DPH6: variants seen among roughly 807,000 people sequenced by gnomAD.
DPH6 encodes diphthamine biosynthesis 6.
A neutral mutation model predicts 38.2 loss-of-function variants in DPH6; 33 were observed. The ratio of observed to expected loss-of-function variants is 0.86; its 90% CI spans 0.65 to 1.15. DPH6 has a LOEUF of 1.15. Among genes scored for constraint, DPH6 ranks in the 50% most tolerant of loss-of-function variants. The probability of loss-of-function intolerance (pLI) is 0.00; values close to 1 mark genes in which losing one functional copy is unlikely to be tolerated. For synonymous variants in DPH6, 108 were observed against 103.0 expected (o/e 1.05, Z -0.30); for missense variants, 325 against 320.0 (o/e 1.02, Z -0.12).
the DPH6 span, among the ~76,000 whole-genome samples, chr15:35,187,940 C>A: frequency 1.3e-4 from 20 of 152,148 alleles, no homozygotes; most frequent in African/African-American, 4.8e-4. Context: ...TCCAGGAGTT[C>A]AAGACCAGCC....
At position 35,500,767 on chromosome 15, in the gene DPH6, TTTGTTG is replaced by T. The variant is rs768374774; in HGVS notation, c.312+37501_312+37506del. On this transcript the variant is annotated intron_variant, in intron 3 of 8. Transcript: ENST00000256538. Reference sequence around the variant, plus strand: ...TCCCTTTTTGTGATAATTATTCTGTTTTGTTGTTGTTGTTGTTGTTTTTGAGATAGA... The same window carrying T: ...TCCCTTTTTGTGATAATTATTCTGTTTTGTTGTTGTTGTTTTTGAGATAGA... 4.6e-5 allele frequency among the ~76,000 whole-genome samples: 7 copies of T among 151,998 alleles called. No individual in the cohort carries two copies. The East Asian group carries it at 1.2e-3, about 25-fold the overall frequency.
intron 3 of DPH6, among the ~76,000 whole-genome samples, chr15:35,504,047 ATAACT>A (rs1279097600): frequency 6.6e-6 from 1 of 152,058 alleles, no homozygotes; most frequent in Non-Finnish European, 1.5e-5. Flanking sequence ...CTATTCTGAG[ATAACT>A]TAATTTCAAG....
intron 3 of DPH6, among the ~76,000 whole-genome samples, chr15:35,534,428 A>G (rs1173764190): frequency 1.3e-5 from 2 of 151,952 alleles, no homozygotes; most frequent in Non-Finnish European, 2.9e-5. Context: ...AGGAAACGAA[A>G]GACAATGTTT....
intron 3 of DPH6, among the ~76,000 whole-genome samples, chr15:35,261,009 G>C (rs1445863084): frequency 1.3e-5 from 2 of 152,020 alleles, no homozygotes; most frequent in African/African-American, 4.8e-5. Context: ...TTCATGTCTT[G>C]ACTATTGATT....
chr15:35,457,373 T>C (rs1459459806), intron 3 of DPH6, among the ~76,000 whole-genome samples: 2 of 152,170 alleles, frequency 1.3e-5, no homozygotes, highest in Non-Finnish European at 2.9e-5. Flanking sequence ...AATAATTTTT[T>C]TTTGAGGCCT....
chr15:35,505,620 C>CT lies in DPH6; in HGVS notation c.312+32653dup, dbSNP rs1346835651. Among the ~76,000 whole-genome samples, 4 of 152,106 alleles carry CT rather than the reference C, an allele frequency of 2.6e-5. No homozygotes were observed. The East Asian group carries it at 5.8e-4, about 22-fold the overall frequency. ...CTGAAGTTACCGTCTTGCTTATACTCTAAGTTCACACATGGGCTGGTCTAA... is the reference window on the plus strand; with the variant it reads ...CTGAAGTTACCGTCTTGCTTATACTCTTAAGTTCACACATGGGCTGGTCTAA... On this transcript the variant is annotated intron_variant, in intron 3 of 8. Transcript: ENST00000256538.
At chr15:35,201,955 C>T in the DPH6 span, among the ~76,000 whole-genome samples, 3 of 151,648 alleles carry the variant, frequency 2.0e-5, no homozygotes, top group Non-Finnish European at 3.0e-5. Flanking sequence ...AGTCCATTCC[C>T]ATTATCTCAA....
At chr15:35,341,472 T>C (rs1332607316) in intron 3 of DPH6, among the ~76,000 whole-genome samples, 1 of 152,224 alleles carries the variant, frequency 6.6e-6, no homozygotes, top group Non-Finnish European at 1.5e-5. Flanking sequence ...TTTCAGTGTT[T>C]TTGCATTGAT....
chr15:35,532,056 C>A (rs1235225268), intron 3 of DPH6, among the ~76,000 whole-genome samples: 1 of 152,082 alleles, frequency 6.6e-6, no homozygotes, highest in Non-Finnish European at 1.5e-5. Context: ...AGAAGGGGTT[C>A]TTCAGGAGGA....
intron 5 of DPH6, among the ~76,000 whole-genome samples, chr15:35,445,174 G>A (rs1011905799): frequency 1.3e-5 from 2 of 151,918 alleles, no homozygotes; most frequent in South Asian, 4.2e-4. Flanking sequence ...CCCTCAAGGT[G>A]GTCTTCCAAT....
intron 3 of DPH6, among the ~76,000 whole-genome samples, chr15:35,486,322 G>A (rs2054397420): frequency 6.6e-6 from 1 of 151,874 alleles, no homozygotes. Context: ...ACAAATCAAG[G>A]TGAGATTTTG....
chr15:35,398,052 C>A (rs1356833467), intron 6 of DPH6, among the ~76,000 whole-genome samples: 2 of 152,086 alleles, frequency 1.3e-5, no homozygotes, highest in African/African-American at 4.8e-5. Context: ...AGTAGTCTTG[C>A]TATACTTTCT....
intron 3 of DPH6, among the ~76,000 whole-genome samples, chr15:35,249,818 T>C (rs1566850050): frequency 6.6e-6 from 1 of 152,188 alleles, no homozygotes; most frequent in Non-Finnish European, 1.5e-5. Flanking sequence ...AAAATACTTA[T>C]AAGCACAGCA....
In DPH6 at chr15:35,521,254, C is replaced by T. The variant is rs1028779193; in HGVS notation, c.312+17020G>A. On this transcript the variant is annotated intron_variant, in intron 3 of 8. Transcript: ENST00000256538. ...GGCAAGGCAGTTCTAGTCACAGGTA[C>T]ATTGAATGCATGTAAATAAACAGAA... is the stretch of plus-strand genomic sequence containing the variant. 4 of 985,822 alleles carry T rather than the reference C, an allele frequency of 4.1e-6. No individual in the cohort carries two copies. The African/African-American group carries it at 5.2e-5, about 13-fold the overall frequency. The allele number at this position is 985,822 out of a possible 1,614,324, so 61.1% of individuals were successfully genotyped here.
At chr15:35,304,527 C>T (rs182353921) in intron 3 of DPH6, among the ~76,000 whole-genome samples, 134 of 151,992 alleles carry the variant, frequency 8.8e-4, no homozygotes, top group African/African-American at 3.1e-3. Flanking sequence ...TCTCTAATTC[C>T]GAGAAAACAC....
intron 3 of DPH6, among the ~76,000 whole-genome samples, chr15:35,305,517 T>C (rs1044368048): frequency 5.3e-5 from 8 of 152,098 alleles, no homozygotes; most frequent in Non-Finnish European, 1.5e-5. Context: ...TTTAGGAAGT[T>C]CATAATTGAC....
intron 7 of DPH6, among the ~76,000 whole-genome samples, chr15:35,377,003 C>CAT (rs2052790150): frequency 1.3e-5 from 2 of 152,166 alleles, no homozygotes; most frequent in Non-Finnish European, 2.9e-5. Context: ...CATATATGCA[C>CAT]ATATATATAC....
chr15:35,543,728 G>C (rs750274582), intron 1 of DPH6, among the ~76,000 whole-genome samples: 2 of 152,050 alleles, frequency 1.3e-5, no homozygotes, highest in Non-Finnish European at 2.9e-5. Flanking sequence ...AGTGGAAGGA[G>C]AGCACAAGGG....
intron 3 of DPH6, among the ~76,000 whole-genome samples, chr15:35,264,523 TG>T (rs1221878339): frequency 9.9e-6 from 1 of 101,028 alleles, no homozygotes; most frequent in African/African-American, 2.6e-5. Flanking sequence ...AAGCACTCTT[TG>T]AAAAACAAAA....
Sources: allele counts gnomAD v4.1 joint callset (sites outside exome capture counted in the v4.1 genomes callset), GRCh38; gene constraint gnomAD v4.1.1; transcripts MANE v1.5; gene names NCBI Gene and HGNC (gene_info 2026-07-23, HGNC 2026-07-21).